Variants in CNKSR2 observed in about 807,000 individuals in gnomAD.
CNKSR2 encodes the protein connector enhancer of kinase suppressor of Ras 2.
In CNKSR2, 14 loss-of-function variants were observed where a neutral mutation model predicts 84.4. The ratio of observed to expected loss-of-function variants is 0.17; its 90% CI spans 0.11 to 0.26. The LOEUF (loss-of-function observed/expected upper bound fraction) is 0.26. Ranked by LOEUF, CNKSR2 falls within the 10% of genes least tolerant of loss-of-function variation. The probability of loss-of-function intolerance (pLI) is 1.00; values close to 1 mark genes in which losing one functional copy is unlikely to be tolerated. For synonymous variants in CNKSR2, 275 were observed against 277.9 expected, an observed-to-expected ratio of 0.99 and a Z score of 0.10; for missense variants, 485 against 771.2, an observed-to-expected ratio of 0.63 and a Z score of 4.40.
At chrX:21,521,072 T>G (rs187049816) in intron 9 of CNKSR2, among the ~76,000 whole-genome samples, 1 of 110,259 alleles carries the variant, frequency 9.1e-6, no homozygotes, top group African/African-American at 3.3e-5. Context: ...CATAGAGATA[T>G]GAATGGTTAA....
At chrX:21,641,551 T>C in intron 20 of CNKSR2, 1 of 1,176,445 alleles carries the variant, frequency 8.5e-7, no homozygotes, top group Non-Finnish European at 1.1e-6. Flanking sequence ...ACTGCGAGAG[T>C]TGGTAGAACC....
intron 1 of CNKSR2, among the ~76,000 whole-genome samples, chrX:21,413,309 A>T (rs1250003733): frequency 1.8e-5 from 2 of 110,866 alleles, no homozygotes; most frequent in Non-Finnish European, 3.8e-5. Flanking sequence ...TTTAAAAAAT[A>T]TTTTTAATTT....
At chrX:21,639,582 T>G (rs901884409) in intron 20 of CNKSR2, among the ~76,000 whole-genome samples, 1 of 112,098 alleles carries the variant, frequency 8.9e-6, no homozygotes, top group Non-Finnish European at 1.9e-5. Context: ...TCCATCAGAT[T>G]CCTCAGCAAA....
chrX:21,626,738 T>G (rs1325023150), intron 20 of CNKSR2, among the ~76,000 whole-genome samples: 2 of 112,178 alleles, frequency 1.8e-5, no homozygotes, highest in Non-Finnish European at 3.8e-5. Flanking sequence ...AAAACACAAA[T>G]TTAGAATGGT....
chrX:21,558,567 AC>A (rs1342312412), intron 11 of CNKSR2, among the ~76,000 whole-genome samples: 1 of 108,500 alleles, frequency 9.2e-6, no homozygotes, highest in Non-Finnish European at 1.9e-5. Flanking sequence ...AAAAAAAGTC[AC>A]CCCCGGAAAA....
chrX:21,556,713 A>C (rs1338828985), intron 11 of CNKSR2, among the ~76,000 whole-genome samples: 2 of 110,626 alleles, frequency 1.8e-5, no homozygotes, highest in Non-Finnish European at 3.8e-5. Flanking sequence ...AGTGGGGACA[A>C]GAGCTTAATC....
intron 20 of CNKSR2, chrX:21,644,854 C>T (rs1026517312): frequency 9.0e-6 from 1 of 111,515 alleles, no homozygotes; most frequent in African/African-American, 3.3e-5. Context: ...AGTTTCTGTT[C>T]GATAAAACGG....
At chrX:21,390,881 A>G (rs1432757892) in intron 1 of CNKSR2, among the ~76,000 whole-genome samples, 1 of 112,367 alleles carries the variant, frequency 8.9e-6, no homozygotes, top group African/African-American at 3.2e-5. Context: ...CCAAGATACA[A>G]TGGGGTTACA....
intron 1 of CNKSR2, among the ~76,000 whole-genome samples, chrX:21,403,824 G>A (rs1469190230): frequency 9.0e-6 from 1 of 111,473 alleles, no homozygotes. Context: ...CTAAATAAGG[G>A]TTATTGACTC....
At chrX:21,592,308 C>T (rs2092425894) in intron 15 of CNKSR2, 1 of 111,945 alleles carries the variant, frequency 8.9e-6, no homozygotes, top group African/African-American at 3.3e-5. Flanking sequence ...AGGCTGGGCC[C>T]AGTGGTTCAC....
chrX:21,642,702 C>T, intron 20 of CNKSR2: 6 of 718,618 alleles, frequency 8.3e-6, no homozygotes, highest in Non-Finnish European at 9.9e-6. Flanking sequence ...ATATAAATTA[C>T]TTAAAAATAA....
Position 21,415,608 on chromosome X carries a change from G to C in CNKSR2, c.65-10889G>C, listed in dbSNP as rs748014462. On this transcript the variant is annotated intron_variant, in intron 1 of 21. Coordinates refer to ENST00000379510, the MANE Select transcript of CNKSR2 (RefSeq NM_014927.5). ...GAATGATGGTTTCCGAACACAGGAA[G>C]GGGAACATCACACACCAGGGCCTGT... Among the ~76,000 whole-genome samples the C allele has an allele frequency of 1.2e-3, 104 of 85,362 alleles. 1 individual carries two copies. Among genetic ancestry groups the C allele is most frequent in the South Asian group, 5.5e-3 (8 of 1,447 alleles). The allele number at this position is 85,362 out of a possible 115,157, so 74.1% of individuals were successfully genotyped here.
At chrX:21,389,605 G>A (rs1288119432) in intron 1 of CNKSR2, among the ~76,000 whole-genome samples, 1 of 111,858 alleles carries the variant, frequency 8.9e-6, no homozygotes, top group Non-Finnish European at 1.9e-5. Context: ...AAGGGCACTT[G>A]GGATATAGAG....
Position 21,603,073 on chromosome X carries a change from A to G in CNKSR2, c.2044+1724A>G, listed in dbSNP as rs570566705. ...ATGGATGAAATAACTGGTAAGCTAT[A>G]TAGTTGTATTGGACATGCAGGTTCC... On this transcript the variant is annotated intron_variant, in intron 18 of 21. Transcript: ENST00000379510. 4.6e-4 allele frequency among the ~76,000 whole-genome samples: 52 copies of G among 112,351 alleles called. 1 individual carries two copies. The South Asian group carries it at 0.018, about 40-fold the overall frequency.
At chrX:21,636,358 G>C (rs773372530) in intron 20 of CNKSR2, among the ~76,000 whole-genome samples, 18 of 110,658 alleles carry the variant, frequency 1.6e-4, no homozygotes, top group Non-Finnish European at 1.3e-4. Context: ...ACTATTTTCT[G>C]TCGGGGGTTC....
chrX:21,406,245 A>G (rs897266177), intron 1 of CNKSR2, among the ~76,000 whole-genome samples: 1 of 111,334 alleles, frequency 9.0e-6, no homozygotes, highest in Non-Finnish European at 1.9e-5. Flanking sequence ...ATGCCTGATG[A>G]TCTGAGGTGG....
At chrX:21,586,343 T>G (rs1289345856) in intron 13 of CNKSR2, among the ~76,000 whole-genome samples, 2 of 111,804 alleles carry the variant, frequency 1.8e-5, no homozygotes, top group Non-Finnish European at 3.8e-5. Flanking sequence ...AATTCCTAGG[T>G]GTCTACAAGT....
At position 21,432,790 on chromosome X, in the gene CNKSR2, A is replaced by G. The variant is rs977625789; in HGVS notation, c.407A>G (p.Lys136Arg). 8.3e-7 allele frequency: 1 copy of G among 1,208,863 alleles called. No individual in the cohort carries two copies. The highest frequency in any genetic ancestry group is 1.1e-6 in the Non-Finnish European group (1 of 894,764). ...TSVVDLIGAA[K>R]SLLAWLDRSP... ...GTTGTGGATCTGATTGGAGCAGCCAAGAGTCTGCTTGCCTGGTTGGACAGG... is the reference window on the plus strand; with the variant it reads ...GTTGTGGATCTGATTGGAGCAGCCAGGAGTCTGCTTGCCTGGTTGGACAGG... The change falls in exon 3 of 22, where the codon AAG (lysine) becomes AGG (arginine). Residue 136 changes from lysine to arginine, a missense_variant. By Grantham distance (26) the Lys-to-Arg change is conservative. This residue lies in a region of CNKSR2 where 109 missense variants were observed against 197.5 expected (regional missense o/e 0.55). Transcript: ENST00000379510.
chrX:21,515,670 A>C (rs2091721058), intron 8 of CNKSR2, among the ~76,000 whole-genome samples: 1 of 111,842 alleles, frequency 8.9e-6, no homozygotes, highest in Non-Finnish European at 1.9e-5. Flanking sequence ...AAGTAACAAA[A>C]ATTATTCTAT....
Sources: allele counts gnomAD v4.1 joint callset (sites outside exome capture counted in the v4.1 genomes callset), GRCh38; gene constraint gnomAD v4.1.1; regional missense constraint gnomAD v4.1.1; transcripts MANE v1.5; gene names NCBI Gene and HGNC (gene_info 2026-07-23, HGNC 2026-07-21).